The following ADAM12 variants were observed in gnomAD, a reference collection of about 807,000 sequenced individuals.
ADAM12 encodes ADAM metallopeptidase domain 12.
ADAM12 carries 70 observed loss-of-function variants against 106.4 expected under a neutral mutation model. The ratio of observed to expected loss-of-function variants is 0.66; its 90% CI spans 0.54 to 0.80. The LOEUF is 0.80. Ranked by LOEUF, ADAM12 falls within the 30% of genes least tolerant of loss-of-function variation. ADAM12 has a pLI of 0.00. For synonymous variants in ADAM12, 420 were observed against 433.5 expected, an observed-to-expected ratio of 0.97 and a Z score of 0.39; for missense variants, 1,010 against 1,171.9, an observed-to-expected ratio of 0.86 and a Z score of 2.02.
At chr10:126,061,870 A>G (rs965671880) in intron 14 of ADAM12, among the ~76,000 whole-genome samples, 1 of 152,192 alleles carries the variant, frequency 6.6e-6, no homozygotes, top group East Asian at 1.9e-4. Flanking sequence ...TAAGCCATTA[A>G]GTTTGTGCTA....
At chr10:126,140,436 C>CA (rs1956488591) in intron 4 of ADAM12, among the ~76,000 whole-genome samples, 1 of 152,200 alleles carries the variant, frequency 6.6e-6, no homozygotes, top group Non-Finnish European at 1.5e-5. Flanking sequence ...TCCAGTTCAA[C>CA]AACTCACTTG....
At chr10:126,206,039 T>G (rs766703619) in intron 3 of ADAM12, among the ~76,000 whole-genome samples, 57 of 152,200 alleles carry the variant, frequency 3.7e-4, no homozygotes, top group Admixed American at 1.3e-4. Context: ...ACTTTATGTG[T>G]CTGGAAAAAT....
chr10:126,342,086 T>C (rs766578252), intron 1 of ADAM12, among the ~76,000 whole-genome samples: 1 of 152,204 alleles, frequency 6.6e-6, no homozygotes, highest in Non-Finnish European at 1.5e-5. Flanking sequence ...GGAATGTTCA[T>C]TTCCCTTTTT....
intron 3 of ADAM12, among the ~76,000 whole-genome samples, chr10:126,218,706 T>TATCCA (rs1958034609): frequency 1.3e-5 from 2 of 152,204 alleles, no homozygotes; most frequent in South Asian, 4.1e-4. Context: ...TTTATCCATG[T>TATCCA]TCAAAGGATA....
chr10:126,094,858 T>A (rs1270976976), intron 10 of ADAM12, among the ~76,000 whole-genome samples: 2 of 152,208 alleles, frequency 1.3e-5, no homozygotes, highest in African/African-American at 4.8e-5. Flanking sequence ...TGCTTGGATA[T>A]GGAAGGCGGC....
chr10:126,122,789 G>T (rs1477258372), intron 5 of ADAM12, among the ~76,000 whole-genome samples: 1 of 151,994 alleles, frequency 6.6e-6, no homozygotes, highest in Non-Finnish European at 1.5e-5. Flanking sequence ...ACAGGCAAGG[G>T]GAAAGTGGAA....
chr10:126,036,012 C>A, intron 21 of ADAM12, 134 bp downstream of exon 21: 4 of 727,084 alleles, frequency 5.5e-6, no homozygotes, highest in Non-Finnish European at 7.7e-6. Context: ...TCTCATTTAA[C>A]CATCTGAGTA....
In ADAM12 at chr10:126,030,970, G is replaced by A. The variant is rs147047021; in HGVS notation, c.2529+5176C>T. Among the ~76,000 whole-genome samples the A allele has an allele frequency of 2.1e-3, 317 of 152,218 alleles. 2 individuals are homozygous for A. The highest frequency in any genetic ancestry group is 7.1e-3 in the African/African-American group (296 of 41,526). On this transcript the variant is annotated intron_variant, in intron 21 of 22. Transcript: ENST00000448723. ...TATTTCCTACACATCTATTATGTTCGAGGGGCTGGACTTAGCTGTGCCTGG... is the reference window on the plus strand; with the variant it reads ...TATTTCCTACACATCTATTATGTTCAAGGGGCTGGACTTAGCTGTGCCTGG...
At chr10:126,303,739 T>C (rs1451972946) in intron 2 of ADAM12, among the ~76,000 whole-genome samples, 1 of 152,218 alleles carries the variant, frequency 6.6e-6, no homozygotes, top group African/African-American at 2.4e-5. Flanking sequence ...AGCCTCTCTT[T>C]ACCTGTGGTG....
chr10:126,129,573 G>A (rs950781086), intron 5 of ADAM12, among the ~76,000 whole-genome samples: 1 of 152,174 alleles, frequency 6.6e-6, no homozygotes, highest in African/African-American at 2.4e-5. Flanking sequence ...GCAGGAATGA[G>A]AGCACCAAGC....
At chr10:126,088,092 A>G (rs1235447692) in intron 11 of ADAM12, among the ~76,000 whole-genome samples, 1 of 152,014 alleles carries the variant, frequency 6.6e-6, no homozygotes, top group Non-Finnish European at 1.5e-5. Context: ...ATGGTTATAG[A>G]TTTTTCTCTC....
At chr10:126,383,052 C>G (rs1384708262) in intron 1 of ADAM12, among the ~76,000 whole-genome samples, 1 of 152,158 alleles carries the variant, frequency 6.6e-6, no homozygotes, top group Admixed American at 6.5e-5. Context: ...TCAAGTGATC[C>G]TCCCACCTCA....
chr10:126,109,720 C>G lies in ADAM12; in HGVS notation c.669+55G>C, dbSNP rs1467352857. The stretch of plus-strand genomic sequence containing the variant: ...GCAAGTAATAACTTGCAAAACATGT[C>G]CTTTTTTCTTTTATCTCTAACCAAC... On this transcript the variant is annotated intron_variant, in intron 7 of 22. Transcript: ENST00000448723. The G allele has an allele frequency of 2.6e-6, 4 of 1,517,766 alleles. No individual in the cohort carries two copies. The East Asian group carries it at 9.0e-5, about 34-fold the overall frequency. The allele number at this position is 1,517,766 out of a possible 1,614,324, so 94.0% of individuals were successfully genotyped here. A position where few individuals can be genotyped will look rare whatever the true frequency, so the allele number is the denominator to read the frequency against.
At chr10:126,087,762 T>C (rs932033667) in intron 11 of ADAM12, among the ~76,000 whole-genome samples, 17 of 152,208 alleles carry the variant, frequency 1.1e-4, no homozygotes, top group African/African-American at 4.1e-4. Flanking sequence ...GTGTGGACTT[T>C]CCCGCTACAT....
At chr10:126,270,265 T>C (rs2133733568) in intron 3 of ADAM12, among the ~76,000 whole-genome samples, 1 of 152,272 alleles carries the variant, frequency 6.6e-6, no homozygotes, top group South Asian at 2.1e-4. Context: ...GATGGGGCTT[T>C]TTACACTGCA....
chr10:126,042,349 G>T lies in ADAM12; in HGVS notation c.2104+691C>A, dbSNP rs1266504470. ...TTCTAAAGGTCATCCGAGGAGAAAT[G>T]GCCACGAGTTCAAGCACAGCTGCTA... On this transcript the variant is annotated intron_variant, in intron 18 of 22. Transcript: ENST00000448723. The T allele has an allele frequency of 1.9e-5, 26 of 1,382,540 alleles. No individual in the cohort carries two copies. The East Asian group carries it at 6.5e-4, about 34-fold the overall frequency. The allele number at this position is 1,382,540 out of a possible 1,614,324, so 85.6% of individuals were successfully genotyped here.
At chr10:126,333,938 T>G (rs1854606885) in intron 1 of ADAM12, among the ~76,000 whole-genome samples, 1 of 152,220 alleles carries the variant, frequency 6.6e-6, no homozygotes, top group African/African-American at 2.4e-5. Flanking sequence ...ATTTGCTGAG[T>G]ACGGTATGTA....
intron 3 of ADAM12, among the ~76,000 whole-genome samples, chr10:126,167,293 G>T (rs1412352917): frequency 6.6e-6 from 1 of 152,252 alleles, no homozygotes; most frequent in Non-Finnish European, 1.5e-5. Flanking sequence ...GCACTGTGTA[G>T]GCATTTTGAC....
intron 14 of ADAM12, among the ~76,000 whole-genome samples, chr10:126,061,139 T>A (rs1373650109): frequency 6.6e-6 from 1 of 152,138 alleles, no homozygotes; most frequent in Non-Finnish European, 1.5e-5. Flanking sequence ...CCCCAACATA[T>A]CTGGCCCATG....
Sources: gnomAD v4.1 joint callset for allele counts (sites outside exome capture counted in the v4.1 genomes callset) on GRCh38, gnomAD v4.1.1 for gene constraint, MANE v1.5 for transcripts, NCBI Gene and HGNC (gene_info 2026-07-23, HGNC 2026-07-21) for gene names.